AK4: variants seen among roughly 807,000 people sequenced by gnomAD.
AK4 encodes adenylate kinase 4, mitochondrial.
In AK4, 13 loss-of-function variants were observed where a neutral mutation model predicts 24.6. That is an observed-to-expected ratio of 0.53 (90% CI 0.34 to 0.84). AK4 has a LOEUF of 0.84. AK4 is among the 40% of genes least tolerant of loss of function. The pLI, the probability that AK4 is intolerant of heterozygous loss-of-function variation, is 0.01. For synonymous variants in AK4, 88 were observed against 107.0 expected (o/e 0.82, Z 1.10); for missense variants, 192 against 288.2 (o/e 0.67, Z 2.42).
chr1:65,207,517 A>G (rs1355523252), intron 2 of AK4, among the ~76,000 whole-genome samples: 1 of 150,908 alleles, frequency 6.6e-6, no homozygotes, highest in Admixed American at 6.6e-5. Flanking sequence ...GAGGAAGCAT[A>G]AACTTCAGTT....
At chr1:65,150,072 A>G (rs1430278699) in intron 1 of AK4, among the ~76,000 whole-genome samples, 2 of 152,140 alleles carry the variant, frequency 1.3e-5, no homozygotes, top group Non-Finnish European at 2.9e-5. Context: ...GTTTCCTTCT[A>G]TGAGCCCATT....
At position 65,170,360 on chromosome 1, in the gene AK4, T is replaced by G. The variant is rs147862584; in HGVS notation, c.146-20350T>G. Among the ~76,000 whole-genome samples, 548 of 151,998 alleles carry G rather than the reference T, an allele frequency of 3.6e-3. 4 individuals carry two copies. Among genetic ancestry groups the G allele is most frequent in the African/African-American group, 0.013 (522 of 41,438 alleles). ...CCCAGTCTGGGTGACAGAGCGAGAC[T>G]CCGTCTCACACACACACACACACAC... is the stretch of plus-strand genomic sequence containing the variant. On this transcript the variant is annotated intron_variant, in intron 1 of 4. Transcript: ENST00000327299.
chr1:65,178,435 T>G (rs1251114279), intron 1 of AK4, among the ~76,000 whole-genome samples: 1 of 152,144 alleles, frequency 6.6e-6, no homozygotes, highest in Non-Finnish European at 1.5e-5. Context: ...TTGAAATGTG[T>G]GCATAGCCAC....
At chr1:65,224,175 T>C (rs986706926) in intron 3 of AK4, among the ~76,000 whole-genome samples, 2 of 152,126 alleles carry the variant, frequency 1.3e-5, no homozygotes, top group African/African-American at 4.8e-5. Context: ...TCACTTCAGT[T>C]TTTTTTCCCT....
At chr1:65,214,136 G>T (rs968058345) in intron 2 of AK4, among the ~76,000 whole-genome samples, 3 of 152,102 alleles carry the variant, frequency 2.0e-5, no homozygotes, top group Non-Finnish European at 2.9e-5. Context: ...TTTTGAGATG[G>T]AGTCCCTCTC....
At chr1:65,182,451 AAC>A in intron 1 of AK4, among the ~76,000 whole-genome samples, 1 of 152,246 alleles carries the variant, frequency 6.6e-6, no homozygotes, top group Admixed American at 6.5e-5. Context: ...TGTGTCACAA[AAC>A]ACACTTTTCA....
At chr1:65,219,641 T>C (rs1652236671) in intron 3 of AK4, among the ~76,000 whole-genome samples, 2 of 152,174 alleles carry the variant, frequency 1.3e-5, no homozygotes, top group Non-Finnish European at 2.9e-5. Context: ...ACATAAAAAT[T>C]AAATGGAAAA....
chr1:65,161,281 T>C (rs1430375589), intron 1 of AK4, among the ~76,000 whole-genome samples: 14 of 152,134 alleles, frequency 9.2e-5, no homozygotes, highest in Non-Finnish European at 2.1e-4. Flanking sequence ...ATTTGTCCCA[T>C]TTGTCACATG....
At chr1:65,206,784 A>G (rs919087654) in intron 2 of AK4, among the ~76,000 whole-genome samples, 1 of 152,198 alleles carries the variant, frequency 6.6e-6, no homozygotes, top group Non-Finnish European at 1.5e-5. Flanking sequence ...CTCAAACAAA[A>G]CAAAAGAAAC....
At chr1:65,206,187 C>T (rs1270002904) in intron 2 of AK4, among the ~76,000 whole-genome samples, 1 of 152,182 alleles carries the variant, frequency 6.6e-6, no homozygotes, top group Non-Finnish European at 1.5e-5. Context: ...CCCCAGAAAG[C>T]ACAGGTTATA....
chr1:65,168,881 A>G (rs949146225), intron 1 of AK4, among the ~76,000 whole-genome samples: 2 of 152,312 alleles, frequency 1.3e-5, no homozygotes, highest in Admixed American at 1.3e-4. Flanking sequence ...GGTGGAAATA[A>G]CACTTAGCCT....
intron 1 of AK4, among the ~76,000 whole-genome samples, chr1:65,177,144 C>T (rs556474868): frequency 4.6e-5 from 7 of 152,202 alleles, no homozygotes; most frequent in East Asian, 3.9e-4. Flanking sequence ...CAATAATTGC[C>T]GCTATCATGA....
At chr1:65,154,852 A>ATT (rs71056081) in intron 1 of AK4, among the ~76,000 whole-genome samples, 2,161 of 146,908 alleles carry the variant, frequency 0.015, 54 homozygotes, top group African/African-American at 0.049. Context: ...CATAGGGAGA[A>ATT]TTTTTTTTTT....
chr1:65,158,131 A>C lies in AK4; in HGVS notation c.145+9579A>C, dbSNP rs1400373587. ...GCCCCATATCACCTTTCCAGCCCTC[A>C]TTGCTTGTGCTTGCCTTTAAGATAT... is the stretch of plus-strand genomic sequence containing the variant. On this transcript the variant is annotated intron_variant, in intron 1 of 4. Coordinates refer to ENST00000327299, the MANE Select transcript of AK4 (RefSeq NM_013410.4). Among the ~76,000 whole-genome samples, 4 of 152,198 alleles carry C rather than the reference A, an allele frequency of 2.6e-5. No individual in the cohort carries two copies. In the East Asian group the frequency reaches 7.8e-4, roughly 30 times the overall value.
chr1:65,226,007 C>T, intron 4 of AK4, 56 bp from the exon 5 acceptor site: 1 of 1,561,492 alleles, frequency 6.4e-7, no homozygotes, highest in East Asian at 2.2e-5. Context: ...ATCTTCTGCA[C>T]TAATACGTGG....
chr1:65,174,829 AT>A (rs1238392592), intron 1 of AK4, among the ~76,000 whole-genome samples: 1 of 152,230 alleles, frequency 6.6e-6, no homozygotes, highest in African/African-American at 2.4e-5. Context: ...CAAACCAAGA[AT>A]AATAATGGTA....
At chr1:65,152,352 C>A (rs867499071) in intron 1 of AK4, among the ~76,000 whole-genome samples, 125 of 42,780 alleles carry the variant, frequency 2.9e-3, no homozygotes, top group Admixed American at 9.7e-3. Context: ...CTCTCTCTCT[C>A]TCTCTCTCTA....
intron 1 of AK4, among the ~76,000 whole-genome samples, chr1:65,155,724 G>A (rs370666788): frequency 7.3e-5 from 11 of 151,512 alleles, no homozygotes; most frequent in Admixed American, 2.0e-4. Context: ...GTGCAGTGGC[G>A]TGTTCTCGGC....
chr1:65,218,993 G>A (rs1192272843), intron 3 of AK4, 67 bp downstream of exon 3: 1 of 1,333,008 alleles, frequency 7.5e-7, no homozygotes, highest in Non-Finnish European at 1.0e-6. Flanking sequence ...TTGAAAAGTG[G>A]AGAAAAGGAT....
Sources: gnomAD v4.1 joint callset for allele counts (sites outside exome capture counted in the v4.1 genomes callset) on GRCh38, gnomAD v4.1.1 for gene constraint, MANE v1.5 for transcripts, NCBI Gene and HGNC (gene_info 2026-07-23, HGNC 2026-07-21) for gene names.